Variants in ABCC3 observed in about 807,000 individuals in gnomAD.
The protein encoded by ABCC3 is ATP binding cassette subfamily C member 3.
A neutral mutation model predicts 165.3 loss-of-function variants in ABCC3; 121 were observed. That is an observed-to-expected ratio of 0.73 (90% CI 0.63 to 0.85). The LOEUF (loss-of-function observed/expected upper bound fraction) is 0.85. Ranked by LOEUF, ABCC3 falls within the 40% of genes least tolerant of loss-of-function variation. ABCC3 has a pLI of 0.00. For missense variants in ABCC3, 1,869 were observed against 1,964.1 expected, an observed-to-expected ratio of 0.95 and a Z score of 0.92; for synonymous variants, 733 against 810.1, an observed-to-expected ratio of 0.90 and a Z score of 1.62.
At chr17:50,689,507 T>G (rs1968081447) in intron 30 of ABCC3, among the ~76,000 whole-genome samples, 1 of 152,188 alleles carries the variant, frequency 6.6e-6, no homozygotes, top group African/African-American at 2.4e-5. Context: ...CAGACAAGTC[T>G]TCTTTGAAGG....
chr17:50,638,027 C>G (rs2054195364), intron 1 of ABCC3, among the ~76,000 whole-genome samples: 1 of 152,230 alleles, frequency 6.6e-6, no homozygotes, highest in Non-Finnish European at 1.5e-5. Flanking sequence ...TTGTGTGAAT[C>G]CTTCTCTCTC....
At position 50,673,614 on chromosome 17, in the gene ABCC3, A is replaced by G. The variant is rs755617550; in HGVS notation, c.2555A>G (p.Tyr852Cys). The change falls in exon 19 of 31, where the codon TAT (tyrosine) becomes TGT (cysteine). Residue 852 changes from tyrosine (Y) to cysteine (C), a missense_variant. Transcript: ENST00000285238. ...TCCTTTGCCAACTTTCTCTGCAACTATGCCCCCGATGAGGACCAAGGGCAC... is the reference window on the plus strand; with the variant it reads ...TCCTTTGCCAACTTTCTCTGCAACTGTGCCCCCGATGAGGACCAAGGGCAC... ...NGSFANFLCN[Y>C]APDEDQGHLE... The G allele has an allele frequency of 6.2e-6, 10 of 1,613,992 alleles. No homozygotes were observed. Among genetic ancestry groups the G allele is most frequent in the Admixed American group, 1.7e-5 (1 of 59,996 alleles).
At chr17:50,672,399 G>T (rs537486905) in intron 17 of ABCC3, among the ~76,000 whole-genome samples, 1 of 152,338 alleles carries the variant, frequency 6.6e-6, no homozygotes, top group East Asian at 1.9e-4. Flanking sequence ...ATACACATTT[G>T]TGTGCCCATT....
rs1205055267 is a variant in ABCC3, at chr17:50,655,862, C to A, written c.76C>A (p.Pro26Thr). ...CAACCTGTCTGTGCACACAGAAAAC[C>A]CGGACCTCACTCCCTGCTTCCAGAA... is the stretch of plus-strand genomic sequence containing the variant. ...DSNLSVHTEN[P>T]DLTPCFQNSL... is the part of the protein sequence containing the mutation. Residue 26 changes from proline (P) to threonine (T), a missense_variant, in exon 2 of 31, where the codon CCG becomes ACG. Coordinates refer to ENST00000285238, the MANE Select transcript of ABCC3 (RefSeq NM_003786.4). 6.2e-7 allele frequency: 1 copy of A among 1,613,990 alleles called. No individual in the cohort carries two copies. Among genetic ancestry groups the A allele is most frequent in the Admixed American group, 1.7e-5 (1 of 59,990 alleles).
At chr17:50,671,866 C>T (rs887991998) in intron 17 of ABCC3, among the ~76,000 whole-genome samples, 69 of 151,772 alleles carry the variant, frequency 4.5e-4, no homozygotes, top group African/African-American at 1.5e-3. Context: ...GGATTACAGG[C>T]GCACGCAACT....
intron 1 of ABCC3, 125 bp from the exon 2 acceptor site, chr17:50,655,707 C>G: frequency 1.2e-6 from 1 of 826,750 alleles, no homozygotes; most frequent in Non-Finnish European, 1.9e-6. Flanking sequence ...ACTCTCTCCT[C>G]CTCACCTGTC....
chr17:50,660,842 C>G, intron 7 of ABCC3, 81 bp from the exon 8 acceptor site: 1 of 1,359,966 alleles, frequency 7.4e-7, no homozygotes, highest in Non-Finnish European at 1.0e-6. Flanking sequence ...CTCCTCACTC[C>G]TAGCCAGCCC....
chr17:50,646,221 G>A (rs1290228869), intron 1 of ABCC3, among the ~76,000 whole-genome samples: 1 of 152,202 alleles, frequency 6.6e-6, no homozygotes, highest in African/African-American at 2.4e-5. Flanking sequence ...ATGTCTGGGG[G>A]AGGAGTGTTC....
chr17:50,687,757 G>A (rs745662768), intron 30 of ABCC3, 27 bp downstream of exon 30: 1 of 1,604,708 alleles, frequency 6.2e-7, no homozygotes, highest in East Asian at 2.2e-5. Flanking sequence ...TGAGCAATGG[G>A]GAACCTGGTG....
intron 23 of ABCC3, 117 bp downstream of exon 23, chr17:50,676,705 G>A: frequency 3.0e-6 from 3 of 1,005,708 alleles, no homozygotes; most frequent in Non-Finnish European, 4.3e-6. Context: ...GTTTTGTTAG[G>A]GGCAGTCGTT....
chr17:50,682,709 T>C (rs1262677863), intron 26 of ABCC3, among the ~76,000 whole-genome samples: 1 of 152,208 alleles, frequency 6.6e-6, no homozygotes, highest in Non-Finnish European at 1.5e-5. Flanking sequence ...CCAGCACTCA[T>C]CACTTCTTGC....
intron 1 of ABCC3, among the ~76,000 whole-genome samples, chr17:50,646,073 G>A (rs1966996954): frequency 6.6e-6 from 1 of 152,182 alleles, no homozygotes; most frequent in African/African-American, 2.4e-5. Context: ...TATATATCAT[G>A]TCAAAAGGTG....
intron 1 of ABCC3, among the ~76,000 whole-genome samples, chr17:50,639,788 G>C (rs1450327050): frequency 6.7e-6 from 1 of 149,664 alleles, no homozygotes; most frequent in Non-Finnish European, 1.5e-5. Flanking sequence ...TTTTGTGACA[G>C]AGTCTTGCTC....
chr17:50,677,766 G>A lies in ABCC3; in HGVS notation c.3401G>A (p.Arg1134Gln), dbSNP rs200903266. Residue 1134 changes from arginine to glutamine, a missense_variant, in exon 24 of 31, where the codon CGG becomes CAG. By Grantham distance (43) the Arg-to-Gln change is conservative (BLOSUM62 1). Coordinates refer to ENST00000285238, the MANE Select transcript of ABCC3 (RefSeq NM_003786.4). ...LVQRFYAATSRQLKRLESVSR... is the reference protein window; with the variant it reads ...LVQRFYAATSQQLKRLESVSR... ...CAGCGCTTCTATGCAGCCACATCAC[G>A]GCAACTGAAGCGGCTGGAATCAGTC... 154 of 1,614,018 alleles carry A rather than the reference G, an allele frequency of 9.5e-5. No individual in the cohort carries two copies. The highest frequency in any genetic ancestry group is 8.5e-4 in the Admixed American group (51 of 60,006).
At chr17:50,675,227 G>A (rs1417709172) in intron 19 of ABCC3, 135 bp from the exon 20 acceptor site, 4 of 568,062 alleles carry the variant, frequency 7.0e-6, no homozygotes, top group Non-Finnish European at 9.1e-6. Context: ...CTTTCTTGTT[G>A]CCCTTTCAAT....
chr17:50,679,518 T>TA (rs1967889644), intron 25 of ABCC3: 1 of 234,226 alleles, frequency 4.3e-6, no homozygotes, highest in African/African-American at 2.3e-5. Flanking sequence ...CGTTGCATTT[T>TA]AACAAGATTC....
chr17:50,665,289 C>T (rs757304572), intron 11 of ABCC3, 44 bp downstream of exon 11: 10 of 1,593,178 alleles, frequency 6.3e-6, no homozygotes, highest in Non-Finnish European at 8.6e-6. Context: ...CAGCACCCGG[C>T]CGGCTGCCTG....
intron 29 of ABCC3, 52 bp downstream of exon 29, chr17:50,684,927 C>A (rs779618205): frequency 1.3e-6 from 2 of 1,581,472 alleles, no homozygotes; most frequent in Admixed American, 1.7e-5. Flanking sequence ...CTGGGAAACC[C>A]TGGCGGGTGC....
In ABCC3 at chr17:50,663,865, T is replaced by G. The variant is rs1293184535; in HGVS notation, c.1176+7T>G. On this transcript the variant is annotated splice_region_variant and intron_variant, in intron 9 of 30. Transcript: ENST00000285238. ...GGGTGTCATCTACAGGAAGGTCAGC[T>G]GGAGCAGGGCCCAGGGGAAAGGCTG... The G allele has an allele frequency of 6.2e-7, 1 of 1,614,176 alleles. No homozygotes were observed. The highest frequency in any genetic ancestry group is 8.5e-7 in the Non-Finnish European group (1 of 1,180,028).
Sources: gnomAD v4.1 joint callset for allele counts (sites outside exome capture counted in the v4.1 genomes callset) on GRCh38, gnomAD v4.1.1 for gene constraint, MANE v1.5 for transcripts, NCBI Gene and HGNC (gene_info 2026-07-23, HGNC 2026-07-21) for gene names.